Variants in CNTN4 observed in about 807,000 individuals in gnomAD.
CNTN4 encodes contactin 4.
A neutral mutation model predicts 122.5 loss-of-function variants in CNTN4; 77 were observed. The observed-to-expected ratio is 0.63, with a 90% CI of 0.52 to 0.76. The LOEUF (loss-of-function observed/expected upper bound fraction) is 0.76. Among genes scored for constraint, CNTN4 ranks in the 30% least tolerant of loss-of-function variants. The pLI is 0.00. For synonymous variants in CNTN4, 512 were observed against 447.0 expected (o/e 1.15, Z -1.83); for missense variants, 1,256 against 1,259.1 (o/e 1.00, Z 0.04).
chr3:2,106,219 A>G (rs2032429945), intron 2 of CNTN4, among the ~76,000 whole-genome samples: 1 of 152,136 alleles, frequency 6.6e-6, no homozygotes, highest in Non-Finnish European at 1.5e-5. Flanking sequence ...CTGTCAGTGG[A>G]TCTACCATTC....
At chr3:2,162,193 G>C (rs1379301472) in intron 2 of CNTN4, among the ~76,000 whole-genome samples, 1 of 152,080 alleles carries the variant, frequency 6.6e-6, no homozygotes, top group Non-Finnish European at 1.5e-5. Context: ...GATTTCAACT[G>C]TGTTTGTACT....
At chr3:2,178,831 G>A (rs1440513221) in intron 2 of CNTN4, among the ~76,000 whole-genome samples, 1 of 151,890 alleles carries the variant, frequency 6.6e-6, no homozygotes, top group Non-Finnish European at 1.5e-5. Flanking sequence ...CAACACAGAT[G>A]GTGCACACAG....
rs566756840 is a variant in CNTN4 at position 2,427,285 on chromosome 3, T to C, written c.-89+88052T>C. Among the ~76,000 whole-genome samples the C allele has an allele frequency of 1.4e-4, 21 of 152,340 alleles. No individual in the cohort carries two copies. In the East Asian group the frequency reaches 3.7e-3, roughly 27 times the overall value. On this transcript the variant is annotated intron_variant, in intron 3 of 24. Coordinates refer to ENST00000418658, the MANE Select transcript of CNTN4 (RefSeq NM_175607.3). ...TGGTATGTTGTGTCTTTGTTCTCAT[T>C]GGTTTCAAAGAACATCTTTATTTCT... is the stretch of plus-strand genomic sequence containing the variant.
At chr3:2,933,036 A>T (rs1344733249) in intron 13 of CNTN4, among the ~76,000 whole-genome samples, 1 of 151,862 alleles carries the variant, frequency 6.6e-6, no homozygotes, top group African/African-American at 2.4e-5. Flanking sequence ...GTTAGCCAGG[A>T]TGGTCTCGAT....
intron 2 of CNTN4, among the ~76,000 whole-genome samples, chr3:2,158,978 C>T (rs1220075833): frequency 3.9e-5 from 6 of 152,270 alleles, no homozygotes; most frequent in Non-Finnish European, 7.3e-5. Flanking sequence ...AGATTTGACT[C>T]ACAGGCTTTC....
At chr3:2,759,802 A>G (rs1041082224) in intron 6 of CNTN4, among the ~76,000 whole-genome samples, 3 of 151,846 alleles carry the variant, frequency 2.0e-5, no homozygotes, top group African/African-American at 4.8e-5. Flanking sequence ...TACCAACTGT[A>G]TGTAAGGCTT....
chr3:2,561,926 C>G (rs71311708), intron 3 of CNTN4, among the ~76,000 whole-genome samples: 16,200 of 152,228 alleles, frequency 0.11, 1,096 homozygotes, highest in Middle Eastern at 0.16. Flanking sequence ...GTGCCATAAT[C>G]AATTAGCATT....
chr3:2,234,370 C>CAAAAAAAAA lies in CNTN4; in HGVS notation c.-144-104795_-144-104787dup, dbSNP rs72401999. 1.2e-3 allele frequency among the ~76,000 whole-genome samples: 111 copies of CAAAAAAAAA among 94,718 alleles called. 4 individuals are homozygous for CAAAAAAAAA. Among genetic ancestry groups the CAAAAAAAAA allele is most frequent in the Non-Finnish European group, 1.5e-3 (71 of 48,844 alleles). The allele number at this position is 94,718 out of a possible 152,430, so 62.1% of individuals were successfully genotyped here. ...TCCAGCCGGGGCAACAAGTCCATCT[C>CAAAAAAAAA]AAAAAAAAAAAAAAAAAAAAAGAGG... On this transcript the variant is annotated intron_variant, in intron 2 of 24. Coordinates refer to ENST00000418658, the MANE Select transcript of CNTN4 (RefSeq NM_175607.3).
chr3:2,874,585 G>A (rs922546918), intron 8 of CNTN4, among the ~76,000 whole-genome samples: 1 of 152,166 alleles, frequency 6.6e-6, no homozygotes, highest in African/African-American at 2.4e-5. Context: ...CCTAATTGCA[G>A]TTAGAAGCAG....
chr3:2,520,659 A>G (rs2149141181), intron 3 of CNTN4, among the ~76,000 whole-genome samples: 1 of 152,162 alleles, frequency 6.6e-6, no homozygotes, highest in East Asian at 1.9e-4. Context: ...GGATAGAAAA[A>G]TGGTCTAATT....
rs543648241 is a variant in CNTN4, at chr3:2,831,799, C to T, written c.454+12218C>T. ...ACTTTGTGAAGTAGTGTGGAATTTACACATCCTCTCATTCCCTCAAATCAG... is the reference window on the plus strand; with the variant it reads ...ACTTTGTGAAGTAGTGTGGAATTTATACATCCTCTCATTCCCTCAAATCAG... On this transcript the variant is annotated intron_variant, in intron 7 of 24. Coordinates refer to ENST00000418658, the MANE Select transcript of CNTN4 (RefSeq NM_175607.3). 2.0e-5 allele frequency among the ~76,000 whole-genome samples: 3 copies of T among 152,318 alleles called. 1 individual carries two copies. In the South Asian group the frequency reaches 6.2e-4, roughly 32 times the overall value.
intron 2 of CNTN4, among the ~76,000 whole-genome samples, chr3:2,338,784 C>T (rs1203363994): frequency 3.9e-5 from 6 of 152,010 alleles, no homozygotes; most frequent in Admixed American, 6.6e-5. Flanking sequence ...CTAACAAAAA[C>T]GATGACGTCT....
chr3:2,530,621 T>C (rs2077563937), intron 3 of CNTN4, among the ~76,000 whole-genome samples: 1 of 152,120 alleles, frequency 6.6e-6, no homozygotes, highest in Non-Finnish European at 1.5e-5. Flanking sequence ...ATTTTCTTCT[T>C]AAAACCACGT....
intron 4 of CNTN4, among the ~76,000 whole-genome samples, chr3:2,727,181 G>A (rs1332679383): frequency 6.6e-6 from 1 of 152,106 alleles, no homozygotes; most frequent in South Asian, 2.1e-4. Context: ...AAATGTTTGA[G>A]AATTTAAAAT....
At chr3:2,425,346 G>A (rs1175224796) in intron 3 of CNTN4, among the ~76,000 whole-genome samples, 1 of 152,016 alleles carries the variant, frequency 6.6e-6, no homozygotes. Context: ...CCTATTTCTT[G>A]TTTTTGTCAG....
intron 4 of CNTN4, among the ~76,000 whole-genome samples, chr3:2,703,881 T>C (rs1030121706): frequency 6.6e-6 from 1 of 151,942 alleles, no homozygotes; most frequent in African/African-American, 2.4e-5. Flanking sequence ...GTTTAAAAGA[T>C]GATAGTGTAA....
At chr3:2,537,646 A>C (rs865989432) in intron 3 of CNTN4, among the ~76,000 whole-genome samples, 4 of 152,090 alleles carry the variant, frequency 2.6e-5, no homozygotes, top group African/African-American at 7.2e-5. Context: ...TATCAGATTC[A>C]TCCTTACCAC....
At chr3:2,719,458 C>T (rs2087706737) in intron 4 of CNTN4, among the ~76,000 whole-genome samples, 1 of 152,182 alleles carries the variant, frequency 6.6e-6, no homozygotes, top group South Asian at 2.1e-4. Flanking sequence ...CCATGCCCAG[C>T]TGATTTTTTA....
At chr3:2,670,386 T>C (rs999844408) in intron 4 of CNTN4, among the ~76,000 whole-genome samples, 3 of 152,188 alleles carry the variant, frequency 2.0e-5, no homozygotes, top group African/African-American at 7.2e-5. Flanking sequence ...TGGTTTAAAG[T>C]CTGTTTTATC....
Sources: allele counts gnomAD v4.1 joint callset (sites outside exome capture counted in the v4.1 genomes callset), GRCh38; gene constraint gnomAD v4.1.1; transcripts MANE v1.5; gene names NCBI Gene and HGNC (gene_info 2026-07-23, HGNC 2026-07-21).